The following ADAM15 variants were observed in gnomAD, a reference collection of about 807,000 sequenced individuals.
ADAM15 encodes the protein disintegrin and metalloproteinase domain-containing protein 15.
A neutral mutation model predicts 113.8 loss-of-function variants in ADAM15; 77 were observed. The ratio of observed to expected loss-of-function variants is 0.68; its 90% confidence interval spans 0.56 to 0.82. The LOEUF is 0.82. Ranked by LOEUF, ADAM15 falls within the 40% of genes least tolerant of loss-of-function variation. The pLI is 0.00. For missense variants in ADAM15, 963 were observed against 1,120.1 expected (o/e 0.86, Z 2.00); for synonymous variants, 388 against 454.1 (o/e 0.85, Z 1.85).
chr1:155,053,779 G>A (rs1272704175), intron 3 of ADAM15, 131 bp from the exon 4 acceptor site: 40 of 1,027,692 alleles, frequency 3.9e-5, no homozygotes, highest in Non-Finnish European at 5.6e-5. Context: ...GCTGCCCCGG[G>A]GTCAGGAGTG....
intron 2 of ADAM15, among the ~76,000 whole-genome samples, chr1:155,053,092 T>G (rs1661294238): frequency 6.8e-6 from 1 of 146,436 alleles, no homozygotes; most frequent in African/African-American, 2.5e-5. Flanking sequence ...TTGGAAAGAG[T>G]CAGGACCTTA....
chr1:155,061,089 G>A (rs137987631), intron 19 of ADAM15: 5 of 583,348 alleles, frequency 8.6e-6, no homozygotes, highest in Admixed American at 6.0e-5. Flanking sequence ...GTGGCTTTGA[G>A]AGGTGGATCT....
Position 155,056,536 on chromosome 1 carries a change from G to C in ADAM15, c.999+66G>C. ...TCCTCCCAAGTGTGGTGGCATTTAT[G>C]CACTGAAACCCCCCTATAAAGTTGC... On this transcript the variant is annotated intron_variant, in intron 10 of 22. Transcript: ENST00000356955. This position sits in a 1 kb window ranked among gnomAD's most constrained non-coding sequence, Gnocchi z 4.0. 6.7e-7 allele frequency: 1 copy of C among 1,501,710 alleles called. No individual in the cohort carries two copies. Among genetic ancestry groups the C allele is most frequent in the South Asian group, 1.2e-5 (1 of 86,628 alleles). The allele number at this position is 1,501,710 out of a possible 1,614,324, so 93.0% of individuals were successfully genotyped here.
Position 155,058,058 on chromosome 1 carries a change from G to T in ADAM15, c.1624G>T (p.Ala542Ser). Residue 542 changes from alanine to serine, a missense_variant, in exon 14 of 23, where the codon GCT (alanine) becomes TCT (serine). Ala to Ser is a moderately conservative substitution (Grantham distance 99). Transcript: ENST00000356955. This position sits in a 1 kb window ranked among gnomAD's most constrained non-coding sequence, Gnocchi z 4.3. ...QSLWGPGAQPAAPLCLQTANT... is the reference protein window; with the variant it reads ...QSLWGPGAQPSAPLCLQTANT... Reference sequence around the variant, plus strand: ...ACTTTGGGGACCTGGAGCCCAGCCCGCTGCGCCACTTTGCCTCCAGACAGC... The same window carrying T: ...ACTTTGGGGACCTGGAGCCCAGCCCTCTGCGCCACTTTGCCTCCAGACAGC... 5 of 1,614,074 alleles carry T rather than the reference G, an allele frequency of 3.1e-6. No individual in the cohort carries two copies. Among genetic ancestry groups the T allele is most frequent in the South Asian group, 2.2e-5 (2 of 91,090 alleles).
intron 16 of ADAM15, among the ~76,000 whole-genome samples, chr1:155,059,229 A>ACCTG (rs1662220452): frequency 6.6e-6 from 1 of 152,084 alleles, no homozygotes; most frequent in Non-Finnish European, 1.5e-5. Context: ...CACCATGCCC[A>ACCTG]GCTAATTTTT....
In ADAM15 at chr1:155,058,465, C is replaced by G; in HGVS notation, c.1917+24C>G. ...TGGTGAGCAGCCTGGGTGGGCAAGA[C>G]CAGGTGTGAGAAGGGACATTTGGAC... On this transcript the variant is annotated intron_variant, in intron 15 of 22. Transcript: ENST00000356955. The surrounding 1 kb of genome is among the most constrained non-coding windows in gnomAD (Gnocchi z 4.3). The G allele has an allele frequency of 1.9e-6, 3 of 1,607,120 alleles. No homozygotes were observed. Among genetic ancestry groups the G allele is most frequent in the Non-Finnish European group, 2.5e-6 (3 of 1,179,642 alleles).
chr1:155,061,360 GTC>G lies in ADAM15; in HGVS notation c.2278-49_2278-48del, dbSNP rs1251723455. On this transcript the variant is annotated intron_variant, in intron 19 of 22. Coordinates refer to ENST00000356955, the MANE Select transcript of ADAM15 (RefSeq NM_207197.3). ...GCACTGACCCTTCCCTGCCCACTCT[GTC>G]TCTCTGCTTCCTCTTCCCCCTCTGT... The G allele has an allele frequency of 7.2e-6, 11 of 1,518,050 alleles. No individual in the cohort carries two copies. The African/African-American group carries it at 1.4e-4, about 19-fold the overall frequency. The allele number at this position is 1,518,050 out of a possible 1,614,324, so 94.0% of individuals were successfully genotyped here.
intron 1 of ADAM15, 29 bp from the exon 2 acceptor site, chr1:155,052,642 A>G: frequency 6.3e-7 from 1 of 1,579,330 alleles, no homozygotes; most frequent in South Asian, 1.2e-5. Context: ...TTCCCTCAGT[A>G]CTGTCTTGGG....
chr1:155,058,219 T>C lies in ADAM15; in HGVS notation c.1722-27T>C, dbSNP rs1662061828. 1.9e-6 allele frequency: 3 copies of C among 1,613,704 alleles called. No homozygotes were observed. Among genetic ancestry groups the C allele is most frequent in the Non-Finnish European group, 2.5e-6 (3 of 1,179,910 alleles). On this transcript the variant is annotated intron_variant, in intron 14 of 22. Coordinates refer to ENST00000356955, the MANE Select transcript of ADAM15 (RefSeq NM_207197.3). The surrounding 1 kb of genome is among the most constrained non-coding windows in gnomAD (Gnocchi z 4.3). The stretch of plus-strand genomic sequence containing the variant: ...GAGCCTTGGCCCTGCTCCTACTAAC[T>C]CTGTGTGCCCTTCCCCCTCCCCACA...
Position 155,061,437 on chromosome 1 carries a change from CG to C in ADAM15, c.2302del (p.Ala768ProfsTer37), listed in dbSNP as rs750037802. 1.9e-6 allele frequency: 3 copies of C among 1,613,740 alleles called. No homozygotes were observed. The highest frequency in any genetic ancestry group is 2.5e-6 in the Non-Finnish European group (3 of 1,179,842). On this transcript the variant is annotated frameshift_variant, in exon 20 of 23. Coordinates refer to ENST00000356955, the MANE Select transcript of ADAM15 (RefSeq NM_207197.3). LOFTEE classifies it high-confidence loss of function. Reference sequence around the variant, plus strand: ...CAGCAGGCTAGTGCTCTCAGCTTCCCGGCCCCCCCTTCCAGGCCGCTGCCGC... The same window carrying C: ...CAGCAGGCTAGTGCTCTCAGCTTCCCGCCCCCCCTTCCAGGCCGCTGCCGC... Reference protein sequence around the residue: ...GTKQASALSFPAPPSRPLPPD... With the variant: ...GTKQASALSFXAPPSRPLPPD...
chr1:155,062,701 G>A lies in ADAM15; in HGVS notation c.*199G>A, dbSNP rs1662816291. On this transcript the variant is annotated 3_prime_UTR_variant, in exon 23 of 23. Coordinates refer to ENST00000356955, the MANE Select transcript of ADAM15 (RefSeq NM_207197.3). The surrounding 1 kb of genome is among the most constrained non-coding windows in gnomAD (Gnocchi z 7.0). ...GCGGGGGCTTGGGGAGGGGCTGGGGGTTGGACGGGATTGAGGAAGGTCCGC... is the reference window on the plus strand; with the variant it reads ...GCGGGGGCTTGGGGAGGGGCTGGGGATTGGACGGGATTGAGGAAGGTCCGC... 1 of 706,010 alleles carries A rather than the reference G, an allele frequency of 1.4e-6. No homozygotes were observed. The highest frequency in any genetic ancestry group is 2.3e-6 in the Non-Finnish European group (1 of 433,654). The allele number at this position is 706,010 out of a possible 1,614,324, so 43.7% of individuals were successfully genotyped here.
rs1348242607 is a variant in ADAM15, at chr1:155,057,529, C to T, written c.1324-108C>T. On this transcript the variant is annotated intron_variant, in intron 12 of 22. Transcript: ENST00000356955. The surrounding 1 kb of genome is among the most constrained non-coding windows in gnomAD (Gnocchi z 5.0). ...ACATGGGTTGTTGGGCTCTAGCCCT[C>T]GCTTGCTGTGTAGCTTCTGGTCTTG... The T allele has an allele frequency of 6.6e-6, 10 of 1,505,814 alleles. No homozygotes were observed. Among genetic ancestry groups the T allele is most frequent in the South Asian group, 2.3e-5 (2 of 85,986 alleles). 93.3% of individuals were successfully genotyped at this position (1,505,814 alleles called of 1,614,324 possible).
In ADAM15 at chr1:155,060,830, A is replaced by T. The variant is rs1336975508; in HGVS notation, c.2275A>T (p.Lys759Ter). 6.2e-7 allele frequency: 1 copy of T among 1,611,168 alleles called. No individual in the cohort carries two copies. The highest frequency in any genetic ancestry group is 1.3e-5 in the African/African-American group (1 of 75,022). ...PQRALLARGT[K>*]QASALSFPAP... ...GAGGGCCCTGCTGGCACGAGGCACTAAGGTGAGTCCTGGATGCCAGAGGAA... is the reference window on the plus strand; with the variant it reads ...GAGGGCCCTGCTGGCACGAGGCACTTAGGTGAGTCCTGGATGCCAGAGGAA... Residue 759 changes from lysine to a stop codon, truncating the protein, a stop_gained and splice_region_variant, in exon 19 of 23, where the codon AAG becomes TAG. Coordinates refer to ENST00000356955, the MANE Select transcript of ADAM15 (RefSeq NM_207197.3). LOFTEE classifies it high-confidence loss of function.
At position 155,061,431 on chromosome 1, in the gene ADAM15, GCTT is replaced by G; in HGVS notation, c.2296_2298del (p.Phe766del). On this transcript the variant is annotated inframe_deletion, in exon 20 of 23. Transcript: ENST00000356955. ...CCCTCTCAGCAGGCTAGTGCTCTCA[GCTT>G]CCCGGCCCCCCCTTCCAGGCCGCTG... The G allele has an allele frequency of 6.2e-7, 1 of 1,613,646 alleles. No homozygotes were observed. Among genetic ancestry groups the G allele is most frequent in the Non-Finnish European group, 8.5e-7 (1 of 1,179,838 alleles).
chr1:155,054,824 C>T (rs991942222), intron 6 of ADAM15, among the ~76,000 whole-genome samples: 3 of 151,942 alleles, frequency 2.0e-5, no homozygotes, highest in Admixed American at 1.3e-4. Context: ...GGGCCGAGAT[C>T]GAGCCACTAC....
chr1:155,057,064 G>A lies in ADAM15; in HGVS notation c.1111G>A (p.Ala371Thr). 1 of 1,587,266 alleles carries A rather than the reference G, an allele frequency of 6.3e-7. No homozygotes were observed. The highest frequency in any genetic ancestry group is 8.6e-7 in the Non-Finnish European group (1 of 1,164,610). The change falls in exon 11 of 23, where the codon GCC becomes ACC. Residue 371 changes from alanine to threonine, a missense_variant. Transcript: ENST00000356955. This position sits in a 1 kb window ranked among gnomAD's most constrained non-coding sequence, Gnocchi z 5.0. ...GAATAGCTGCCCCTGTCCAGGTCCAGCCCCAGCCAAGACCTGCATCATGGA... is the reference window on the plus strand; with the variant it reads ...GAATAGCTGCCCCTGTCCAGGTCCAACCCCAGCCAAGACCTGCATCATGGA... ...PGNSCPCPGP[A>T]PAKTCIMEAS...
chr1:155,057,222 C>T lies in ADAM15; in HGVS notation c.1183C>T (p.Arg395Ter), dbSNP rs895501050. 10 of 1,613,860 alleles carry T rather than the reference C, an allele frequency of 6.2e-6. No homozygotes were observed. Among genetic ancestry groups the T allele is most frequent in the South Asian group, 1.1e-5 (1 of 91,090 alleles). Residue 395 changes from arginine (R) to a stop codon, truncating the protein, a stop_gained, in exon 12 of 23, where the codon CGA becomes TGA. Transcript: ENST00000356955. LOFTEE classifies it high-confidence loss of function. The surrounding 1 kb of genome is among the most constrained non-coding windows in gnomAD (Gnocchi z 5.0). ...LPGLNFSNCSRRALEKALLDG... is the reference protein window; with the variant it reads ...LPGLNFSNCS ...AGGCCTGAACTTCAGCAACTGCAGC[C>T]GACGGGCCCTGGAGAAAGCCCTCCT...
In ADAM15 at chr1:155,055,872, C is replaced by G; in HGVS notation, c.675+20C>G. On this transcript the variant is annotated intron_variant, in intron 7 of 22. Coordinates refer to ENST00000356955, the MANE Select transcript of ADAM15 (RefSeq NM_207197.3). ...TCGGAGGTGAGCCTGCTGGCCCCTG[C>G]ACATCCTCCTCCCCCTGCACTGCCC... The G allele has an allele frequency of 6.2e-7, 1 of 1,614,224 alleles. No homozygotes were observed.
Position 155,051,380 on chromosome 1 carries a change from C to A in ADAM15, c.-7C>A, listed in dbSNP as rs754324751. 6.6e-7 allele frequency: 1 copy of A among 1,507,018 alleles called. No homozygotes were observed. Among genetic ancestry groups the A allele is most frequent in the Non-Finnish European group, 8.8e-7 (1 of 1,132,072 alleles). The allele number at this position is 1,507,018 out of a possible 1,614,324, so 93.4% of individuals were successfully genotyped here. ...GCTGCCCTCGCCCGGCCCGGAGCGCCGCTGCCATGCGGCTGGCGCTGCTCT... is the reference window on the plus strand; with the variant it reads ...GCTGCCCTCGCCCGGCCCGGAGCGCAGCTGCCATGCGGCTGGCGCTGCTCT... On this transcript the variant is annotated 5_prime_UTR_variant, in exon 1 of 23. Coordinates refer to ENST00000356955, the MANE Select transcript of ADAM15 (RefSeq NM_207197.3).
Sources: gnomAD v4.1 joint callset for allele counts (sites outside exome capture counted in the v4.1 genomes callset) on GRCh38, gnomAD v4.1.1 for gene constraint, Gnocchi (gnomAD v3.1) non-coding constraint, MANE v1.5 for transcripts, NCBI Gene and HGNC (gene_info 2026-07-23, HGNC 2026-07-21) for gene names.